Variants in NAP1L4 observed in about 807,000 individuals in gnomAD.
NAP1L4 encodes the protein nucleosome assembly protein 1-like 4.
Under a neutral mutation model 58.2 loss-of-function variants are expected in NAP1L4, and 15 were observed. The ratio of observed to expected loss-of-function variants is 0.26; its 90% confidence interval spans 0.17 to 0.40. The LOEUF (loss-of-function observed/expected upper bound fraction) is 0.40. Among genes scored for constraint, NAP1L4 ranks in the 10% least tolerant of loss-of-function variants. The pLI is 1.00. For missense variants in NAP1L4, 384 were observed against 451.1 expected, an observed-to-expected ratio of 0.85 and a Z score of 1.35; for synonymous variants, 171 against 155.6, an observed-to-expected ratio of 1.10 and a Z score of -0.74.
chr11:2,971,667 AT>A lies in NAP1L4; in HGVS notation c.316-134del. The A allele has an allele frequency of 2.7e-6, 2 of 736,460 alleles. No individual in the cohort carries two copies. Among genetic ancestry groups the A allele is most frequent in the Non-Finnish European group, 4.3e-6 (2 of 466,866 alleles). The allele number at this position is 736,460 out of a possible 1,614,324, so 45.6% of individuals were successfully genotyped here. A position where few individuals can be genotyped will look rare whatever the true frequency, so the allele number is the denominator to read the frequency against. ...TTTATAACTTATTTTAAGATTCTAA[AT>A]TTTAGGGTTCAAAGAAAAATATTAA... On this transcript the variant is annotated intron_variant, in intron 5 of 15. Transcript: ENST00000380542. The surrounding 1 kb of genome is among the most constrained non-coding windows in gnomAD (Gnocchi z 4.2).
intron 8 of NAP1L4, among the ~76,000 whole-genome samples, chr11:2,962,068 A>T (rs1846957338): frequency 5.3e-5 from 8 of 152,146 alleles, no homozygotes; most frequent in Admixed American, 5.2e-4. Context: ...GAAATGCAAA[A>T]TTAGGCAGGG....
rs774026651 is a variant in NAP1L4 at position 2,969,941 on chromosome 11, A to C, written c.403-7T>G. On this transcript the variant is annotated splice_region_variant and splice_polypyrimidine_tract_variant and intron_variant, in intron 6 of 15. Transcript: ENST00000380542. ...CTTTACTTTTCATGTCTCCCTAAAAAAAAGATGCAACATAGGTAACGAAAA... is the reference window on the plus strand; with the variant it reads ...CTTTACTTTTCATGTCTCCCTAAAACAAAGATGCAACATAGGTAACGAAAA... 1.2e-6 allele frequency: 2 copies of C among 1,609,632 alleles called. No individual in the cohort carries two copies. The highest frequency in any genetic ancestry group is 1.1e-5 in the South Asian group (1 of 90,180).
chr11:2,956,767 C>T (rs1846569066), intron 10 of NAP1L4, among the ~76,000 whole-genome samples: 1 of 152,234 alleles, frequency 6.6e-6, no homozygotes, highest in Admixed American at 6.5e-5. Context: ...AACACTCATA[C>T]TTCTGGACTG....
chr11:2,951,924 G>A lies in NAP1L4; in HGVS notation c.1036-115C>T. The A allele has an allele frequency of 1.0e-6, 1 of 996,336 alleles. No individual in the cohort carries two copies. The highest frequency in any genetic ancestry group is 1.6e-6 in the Non-Finnish European group (1 of 630,772). 61.7% of individuals were successfully genotyped at this position (996,336 alleles called of 1,614,324 possible). On this transcript the variant is annotated intron_variant, in intron 12 of 15. Transcript: ENST00000380542. The surrounding 1 kb of genome is among the most constrained non-coding windows in gnomAD (Gnocchi z 4.0). The stretch of plus-strand genomic sequence containing the variant: ...AAGCCTAAGAGGAGCAGAAAGTCCA[G>A]CCACGCTGCCTGCTGGGCCTCGCTT...
In NAP1L4 at chr11:2,959,704, C is replaced by T. The variant is rs918497704; in HGVS notation, c.746+66G>A. ...CTTTATTCCTTACTTCTATCTTACCCATCAAGTTACAAAATTATCTTTTGA... is the reference window on the plus strand; with the variant it reads ...CTTTATTCCTTACTTCTATCTTACCTATCAAGTTACAAAATTATCTTTTGA... On this transcript the variant is annotated intron_variant, in intron 9 of 15. Transcript: ENST00000380542. The surrounding 1 kb of genome is among the most constrained non-coding windows in gnomAD (Gnocchi z 4.9). 6.3e-7 allele frequency: 1 copy of T among 1,577,908 alleles called. No homozygotes were observed. Among genetic ancestry groups the T allele is most frequent in the African/African-American group, 1.4e-5 (1 of 73,980 alleles).
chr11:2,967,567 C>T (rs549603049), intron 7 of NAP1L4, among the ~76,000 whole-genome samples: 4 of 148,076 alleles, frequency 2.7e-5, no homozygotes, highest in South Asian at 2.1e-4. Context: ...GCCAAGATCA[C>T]GCCACTGCAC....
Position 2,949,118 on chromosome 11 carries a change from T to C in NAP1L4, c.*32+109A>G. 1.2e-6 allele frequency: 1 copy of C among 803,280 alleles called. No individual in the cohort carries two copies. The highest frequency in any genetic ancestry group is 2.0e-6 in the Non-Finnish European group (1 of 497,064). 49.8% of individuals were successfully genotyped at this position (803,280 alleles called of 1,614,324 possible). ...CACCTATGTCAAACCTGTGACACAG[T>C]GAGTGTACCTGGACAGCAACTCCCT... On this transcript the variant is annotated intron_variant, in intron 15 of 15. Transcript: ENST00000380542. This position sits in a 1 kb window ranked among gnomAD's most constrained non-coding sequence, Gnocchi z 4.0.
chr11:2,959,752 A>G lies in NAP1L4; in HGVS notation c.746+18T>C, dbSNP rs747162058. Reference sequence around the variant, plus strand: ...TGATTTTGTTTCAGAAAAACAAGGTAGAATGACATTTTCTTACCCGTCACA... The same window carrying G: ...TGATTTTGTTTCAGAAAAACAAGGTGGAATGACATTTTCTTACCCGTCACA... On this transcript the variant is annotated intron_variant, in intron 9 of 15. Transcript: ENST00000380542. This position sits in a 1 kb window ranked among gnomAD's most constrained non-coding sequence, Gnocchi z 4.9. 2.5e-6 allele frequency: 4 copies of G among 1,609,640 alleles called. No individual in the cohort carries two copies. The highest frequency in any genetic ancestry group is 3.4e-6 in the Non-Finnish European group (4 of 1,178,558).
Position 2,954,723 on chromosome 11 carries a change from C to A in NAP1L4, c.916-77G>T. 1 of 1,583,650 alleles carries A rather than the reference C, an allele frequency of 6.3e-7. No homozygotes were observed. The highest frequency in any genetic ancestry group is 8.7e-7 in the Non-Finnish European group (1 of 1,155,246). ...CACTTCACCACCCTCAGCCAAACCTCAGCCCCTCACTTTTGATTTACTTAA... is the reference window on the plus strand; with the variant it reads ...CACTTCACCACCCTCAGCCAAACCTAAGCCCCTCACTTTTGATTTACTTAA... On this transcript the variant is annotated intron_variant, in intron 11 of 15. Transcript: ENST00000380542. The surrounding 1 kb of genome is among the most constrained non-coding windows in gnomAD (Gnocchi z 4.8).
rs765171287 is a variant in NAP1L4, at chr11:2,972,231, T to C, written c.186A>G (p.Ala62=). ...PSSYIETLPK[A]VKRRINALKQ... ...TCAATGCATTAATTCTTCTTTTTACTGCTTTAGGTAAACTAAAAAAGGGAG... is the reference window on the plus strand; with the variant it reads ...TCAATGCATTAATTCTTCTTTTTACCGCTTTAGGTAAACTAAAAAAGGGAG... Residue 62 remains alanine (A), a synonymous_variant, in exon 5 of 16, where the codon GCA becomes GCG. Transcript: ENST00000380542. 5 of 1,605,774 alleles carry C rather than the reference T, an allele frequency of 3.1e-6. No homozygotes were observed. Among genetic ancestry groups the C allele is most frequent in the Non-Finnish European group, 4.2e-6 (5 of 1,177,742 alleles).
intron 10 of NAP1L4, among the ~76,000 whole-genome samples, chr11:2,956,167 G>A (rs1403079156): frequency 6.6e-6 from 1 of 152,232 alleles, no homozygotes; most frequent in Admixed American, 6.5e-5. Flanking sequence ...GTGCAGGAAA[G>A]AGAAAGTCCT....
chr11:2,946,303 C>A lies in NAP1L4; in HGVS notation c.*33-657G>T, dbSNP rs1346138373. 1.3e-5 allele frequency among the ~76,000 whole-genome samples: 2 copies of A among 152,166 alleles called. No individual in the cohort carries two copies. Among genetic ancestry groups the A allele is most frequent in the Non-Finnish European group, 2.9e-5 (2 of 68,028 alleles). On this transcript the variant is annotated intron_variant, in intron 15 of 15. Coordinates refer to ENST00000380542, the MANE Select transcript of NAP1L4 (RefSeq NM_005969.4). This position sits in a 1 kb window ranked among gnomAD's most constrained non-coding sequence, Gnocchi z 4.8. ...CTCACCAAGGGGCAATGCTATCCTTCCAGTAACGGCATCCGGGACACAAAA... is the reference window on the plus strand; with the variant it reads ...CTCACCAAGGGGCAATGCTATCCTTACAGTAACGGCATCCGGGACACAAAA...
intron 7 of NAP1L4, among the ~76,000 whole-genome samples, chr11:2,966,027 G>GGAGT (rs1208454275): frequency 1.3e-5 from 2 of 152,164 alleles, no homozygotes; most frequent in African/African-American, 2.4e-5. Flanking sequence ...AGTCAGAAGA[G>GGAGT]GAGTGGGAAG....
At position 2,958,392 on chromosome 11, in the gene NAP1L4, G is replaced by C. The variant is rs749207755; in HGVS notation, c.892+7C>G. The C allele has an allele frequency of 5.6e-6, 9 of 1,613,726 alleles. 1 individual carries two copies. In the South Asian group the frequency reaches 9.9e-5, roughly 18 times the overall value. ...ACATAATGAATATTAACAACCAACA[G>C]ACTTGCCTTTCAATGGATTGAAGAA... On this transcript the variant is annotated splice_region_variant and intron_variant, in intron 10 of 15. Transcript: ENST00000380542.
chr11:2,975,780 C>A (rs1276701055), intron 4 of NAP1L4, among the ~76,000 whole-genome samples: 1 of 152,052 alleles, frequency 6.6e-6, no homozygotes, highest in African/African-American at 2.4e-5. Context: ...TAGCCCTCCA[C>A]AGGATGGCAC....
intron 7 of NAP1L4, among the ~76,000 whole-genome samples, chr11:2,967,139 C>T (rs1847329530): frequency 6.6e-6 from 1 of 152,172 alleles, no homozygotes; most frequent in Non-Finnish European, 1.5e-5. Flanking sequence ...CATAGTGGCG[C>T]ATATCTACAG....
Position 2,949,361 on chromosome 11 carries a change from C to T in NAP1L4, c.1123-97G>A. 1 of 999,424 alleles carries T rather than the reference C, an allele frequency of 1.0e-6. No homozygotes were observed. The highest frequency in any genetic ancestry group is 1.6e-6 in the Non-Finnish European group (1 of 625,990). The allele number at this position is 999,424 out of a possible 1,614,324, so 61.9% of individuals were successfully genotyped here. A position where few individuals can be genotyped will look rare whatever the true frequency, so the allele number is the denominator to read the frequency against. On this transcript the variant is annotated intron_variant, in intron 14 of 15. Transcript: ENST00000380542. The surrounding 1 kb of genome is among the most constrained non-coding windows in gnomAD (Gnocchi z 4.0). ...GAAACGGCCACAATTTCTCATGATA[C>T]AAAAGGGCTGCAAGATACTGAACTC...
rs759247514 is a variant in NAP1L4, at chr11:2,954,374, CCCA to C, written c.1035+150_1035+152del. On this transcript the variant is annotated intron_variant, in intron 12 of 15. Coordinates refer to ENST00000380542, the MANE Select transcript of NAP1L4 (RefSeq NM_005969.4). The surrounding 1 kb of genome is among the most constrained non-coding windows in gnomAD (Gnocchi z 4.8). ...ACTTCTCCTCTTCAAGCGTATTCCCCCCACAACAAGGACAGCAGCTTGGACTAC... is the reference window on the plus strand; with the variant it reads ...ACTTCTCCTCTTCAAGCGTATTCCCCCAACAAGGACAGCAGCTTGGACTAC... The C allele has an allele frequency of 7.4e-5, 83 of 1,125,016 alleles. No individual in the cohort carries two copies. In the East Asian group the frequency reaches 1.9e-3, roughly 26 times the overall value. The allele number at this position is 1,125,016 out of a possible 1,614,324, so 69.7% of individuals were successfully genotyped here.
Position 2,972,159 on chromosome 11 carries a change from T to C in NAP1L4, c.258A>G (p.Glu86=). The C allele has an allele frequency of 6.2e-7, 1 of 1,607,714 alleles. No individual in the cohort carries two copies. Among genetic ancestry groups the C allele is most frequent in the South Asian group, 1.1e-5 (1 of 89,920 alleles). Residue 86 remains glutamate, a synonymous_variant, in exon 5 of 16, where the codon GAA becomes GAG. Transcript: ENST00000380542. The part of the protein sequence containing the change: ...RCAHIEAKFY[E]EVHDLERKYA... ...ACTTTCTTTCCAAGTCATGTACCTC[T>C]TCATAGAACTTGGCTTCTATGTGAG...
Sources: gnomAD v4.1 joint callset for allele counts (sites outside exome capture counted in the v4.1 genomes callset) on GRCh38, gnomAD v4.1.1 for gene constraint, Gnocchi (gnomAD v3.1) non-coding constraint, MANE v1.5 for transcripts, NCBI Gene and HGNC (gene_info 2026-07-23, HGNC 2026-07-21) for gene names.